The following STRN3 variants were observed in gnomAD, a reference collection of about 807,000 sequenced individuals.
STRN3 encodes striatin-3.
STRN3 carries 29 observed loss-of-function variants against 95.6 expected under a neutral mutation model. The observed-to-expected ratio is 0.30, with a 90% CI of 0.23 to 0.41. The LOEUF (loss-of-function observed/expected upper bound fraction) is 0.41. STRN3 is among the 10% of genes least tolerant of loss of function. The pLI, the probability that STRN3 is intolerant of heterozygous loss-of-function variation, is 1.00. For synonymous variants in STRN3, 331 were observed against 357.6 expected (o/e 0.93, Z 0.84); for missense variants, 890 against 972.1 (o/e 0.92, Z 1.12).
At chr14:30,914,524 T>C (rs1396549650) in intron 9 of STRN3, among the ~76,000 whole-genome samples, 3 of 152,142 alleles carry the variant, frequency 2.0e-5, no homozygotes, top group Admixed American at 6.5e-5. Flanking sequence ...GGCTAATTTT[T>C]CTGTTTTTAG....
rs116307890 is a variant in STRN3, at chr14:30,915,902, G to T, written c.1241-2245C>A. Among the ~76,000 whole-genome samples the T allele has an allele frequency of 3.9e-3, 595 of 152,206 alleles. 1 individual carries two copies. The highest frequency in any genetic ancestry group is 0.014 in the African/African-American group (572 of 41,512). On this transcript the variant is annotated intron_variant, in intron 9 of 17. Coordinates refer to ENST00000357479, the MANE Select transcript of STRN3 (RefSeq NM_001083893.2). ...GGACATTAGTTTTACTCGAGTTTTG[G>T]CTTAATTGTACTTAACAAAAAATTA... is the stretch of plus-strand genomic sequence containing the variant.
intron 1 of STRN3, among the ~76,000 whole-genome samples, chr14:30,983,829 A>G (rs932562539): frequency 6.6e-6 from 1 of 152,234 alleles, no homozygotes; most frequent in Non-Finnish European, 1.5e-5. Flanking sequence ...AATTTCCAAG[A>G]GAAAAAACCT....
intron 1 of STRN3, among the ~76,000 whole-genome samples, chr14:30,969,524 CATT>C (rs1486003941): frequency 6.6e-6 from 1 of 151,644 alleles, no homozygotes; most frequent in Non-Finnish European, 1.5e-5. Context: ...TTAAAATTAA[CATT>C]AATAACACAC....
chr14:30,979,499 T>C (rs147305397), intron 1 of STRN3, among the ~76,000 whole-genome samples: 17 of 152,348 alleles, frequency 1.1e-4, no homozygotes, highest in African/African-American at 3.6e-4. Flanking sequence ...CAATTTCAGT[T>C]GATAATTTAG....
chr14:30,896,630 A>C (rs557147357), intron 16 of STRN3, among the ~76,000 whole-genome samples: 2 of 152,284 alleles, frequency 1.3e-5, no homozygotes, highest in African/African-American at 4.8e-5. Flanking sequence ...AAAGACCTTA[A>C]GACTATTTTA....
intron 1 of STRN3, among the ~76,000 whole-genome samples, chr14:30,973,317 C>A (rs1236591568): frequency 6.9e-6 from 1 of 144,426 alleles, no homozygotes; most frequent in Non-Finnish European, 1.5e-5. Context: ...ATCAAAAAAA[C>A]TGACAACCCT....
At position 30,947,208 on chromosome 14, in the gene STRN3, C is replaced by G; in HGVS notation, c.598G>C (p.Val200Leu). 1 of 1,612,150 alleles carries G rather than the reference C, an allele frequency of 6.2e-7. No homozygotes were observed. Among genetic ancestry groups the G allele is most frequent in the Non-Finnish European group, 8.5e-7 (1 of 1,179,240 alleles). Reference protein sequence around the residue: ...DTILDVRSQRVRSLLGLSNSE... With the variant: ...DTILDVRSQRLRSLLGLSNSE... The stretch of plus-strand genomic sequence containing the variant: ...TTAGATAGTCCAAGTAATGACCTTA[C>G]CCGCTGAGACCGTACATCTAATATT... The change falls in exon 5 of 18, where the codon GTA becomes CTA. Residue 200 changes from valine to leucine, a missense_variant. By Grantham distance (32) the Val-to-Leu change is conservative (BLOSUM62 1). This residue lies in a region of STRN3 where 526 missense variants were observed against 526.3 expected (regional missense o/e 1.00). Transcript: ENST00000357479.
At chr14:30,970,268 A>T (rs899836273) in intron 1 of STRN3, among the ~76,000 whole-genome samples, 2 of 152,110 alleles carry the variant, frequency 1.3e-5, no homozygotes, top group Non-Finnish European at 2.9e-5. Context: ...GTAAATTGGG[A>T]CCTTTTAATC....
chr14:30,907,184 T>C, intron 13 of STRN3, 140 bp from the exon 14 acceptor site: 3 of 877,274 alleles, frequency 3.4e-6, no homozygotes. Context: ...GTGTACATAG[T>C]GGCTATATCT....
At chr14:30,947,629 C>CA (rs1441455529) in intron 4 of STRN3, among the ~76,000 whole-genome samples, 1 of 152,054 alleles carries the variant, frequency 6.6e-6, no homozygotes, top group Non-Finnish European at 1.5e-5. Flanking sequence ...ACAACACACA[C>CA]ACATTTTTTA....
intron 1 of STRN3, among the ~76,000 whole-genome samples, chr14:31,019,466 A>G (rs1883398958): frequency 6.6e-6 from 1 of 152,210 alleles, no homozygotes; most frequent in Admixed American, 6.5e-5. Context: ...TACATGTTTG[A>G]AACTTTTCAT....
At chr14:30,900,632 C>T (rs1049319879) in intron 16 of STRN3, among the ~76,000 whole-genome samples, 1 of 151,652 alleles carries the variant, frequency 6.6e-6, no homozygotes, top group Admixed American at 6.6e-5. Context: ...GTAGTCCCAC[C>T]CAGCTATGTG....
intron 1 of STRN3, among the ~76,000 whole-genome samples, chr14:30,961,702 C>A (rs548369509): frequency 1.3e-5 from 2 of 152,278 alleles, no homozygotes; most frequent in South Asian, 4.1e-4. Context: ...GATCACTGTA[C>A]CCTCTAAGTC....
intron 16 of STRN3, among the ~76,000 whole-genome samples, chr14:30,897,963 C>T (rs1053275409): frequency 2.6e-5 from 4 of 152,014 alleles, no homozygotes; most frequent in African/African-American, 4.8e-5. Context: ...TATGTTAAAT[C>T]TGTGATGGTA....
intron 1 of STRN3, among the ~76,000 whole-genome samples, chr14:30,974,322 T>C (rs1266628668): frequency 6.6e-6 from 1 of 152,042 alleles, no homozygotes; most frequent in African/African-American, 2.4e-5. Context: ...AACAATTCCA[T>C]TCACAATAGC....
chr14:30,921,063 CATACAT>C (rs983603365), intron 8 of STRN3, among the ~76,000 whole-genome samples: 44 of 108,606 alleles, frequency 4.1e-4, no homozygotes, highest in South Asian at 1.2e-3. Flanking sequence ...GCTTTCTACA[CATACAT>C]ATACACACAC....
chr14:30,900,375 A>C (rs1305253156), intron 16 of STRN3, among the ~76,000 whole-genome samples: 10 of 129,042 alleles, frequency 7.7e-5, no homozygotes, highest in Admixed American at 4.1e-4. Flanking sequence ...AAAAAAAAAA[A>C]CCACACCAAA....
chr14:31,020,405 A>T (rs1883448670), intron 1 of STRN3, among the ~76,000 whole-genome samples: 2 of 152,100 alleles, frequency 1.3e-5, no homozygotes, highest in South Asian at 4.1e-4. Flanking sequence ...AGACTGAGGC[A>T]TGAGAACTGC....
At chr14:30,911,734 A>C (rs946563730) in intron 12 of STRN3, 43 bp downstream of exon 12, 1 of 1,530,162 alleles carries the variant, frequency 6.5e-7, no homozygotes, top group African/African-American at 1.4e-5. Context: ...AATATTTAAC[A>C]ATAATGATGA....
Sources: gnomAD v4.1 joint callset for allele counts (sites outside exome capture counted in the v4.1 genomes callset) on GRCh38, gnomAD v4.1.1 for gene constraint, gnomAD v4.1.1 regional missense constraint, MANE v1.5 for transcripts, NCBI Gene and HGNC (gene_info 2026-07-23, HGNC 2026-07-21) for gene names.